CECR2: variants seen among roughly 807,000 people sequenced by gnomAD.
CECR2 encodes CECR2 histone acetyl-lysine reader, also known as chromatin remodeling regulator CECR2.
A neutral mutation model predicts 154.5 loss-of-function variants in CECR2; 30 were observed. The ratio of observed to expected loss-of-function variants is 0.19; its 90% confidence interval spans 0.15 to 0.26. The LOEUF (loss-of-function observed/expected upper bound fraction) is 0.26. Ranked by LOEUF, CECR2 falls within the 10% of genes least tolerant of loss-of-function variation. CECR2 has a pLI of 1.00. For synonymous variants in CECR2, 725 were observed against 683.7 expected, an observed-to-expected ratio of 1.06 and a Z score of -0.94; for missense variants, 1,743 against 1,829.3, an observed-to-expected ratio of 0.95 and a Z score of 0.86.
At position 17,505,477 on chromosome 22, in the gene CECR2, T is replaced by TATCATGC. The variant is rs544506980; in HGVS notation, c.870+464_870+470dup. On this transcript the variant is annotated intron_variant, in intron 7 of 18. Transcript: ENST00000262608. The stretch of plus-strand genomic sequence containing the variant: ...GTCTCATAAACCATATGCCCCATAT[T>TATCATGC]ATCATGCATGTACACCCTACTTCAT... 7.9e-5 allele frequency among the ~76,000 whole-genome samples: 12 copies of TATCATGC among 151,932 alleles called. No individual in the cohort carries two copies. In the East Asian group the frequency reaches 1.7e-3, roughly 22 times the overall value.
intron 1 of CECR2, among the ~76,000 whole-genome samples, chr22:17,383,928 C>T (rs930056426): frequency 1.6e-4 from 24 of 152,168 alleles, no homozygotes; most frequent in Admixed American, 3.3e-4. Flanking sequence ...CTACCTCGGC[C>T]TCCCAAAGTG....
intron 8 of CECR2, among the ~76,000 whole-genome samples, chr22:17,519,935 C>T (rs2056127390): frequency 6.6e-6 from 1 of 152,012 alleles, no homozygotes; most frequent in African/African-American, 2.4e-5. Context: ...GGACTACAGG[C>T]ACACACCACC....
At chr22:17,514,093 CTA>C (rs1381525053) in intron 8 of CECR2, among the ~76,000 whole-genome samples, 1 of 152,160 alleles carries the variant, frequency 6.6e-6, no homozygotes, top group Non-Finnish European at 1.5e-5. Context: ...TTTCTGGCCT[CTA>C]TTGGTCACTC....
At position 17,420,113 on chromosome 22, in the gene CECR2, G is replaced by A. The variant is rs181398957; in HGVS notation, c.126+50204G>A. On this transcript the variant is annotated intron_variant, in intron 1 of 18. Coordinates refer to ENST00000262608, the MANE Select transcript of CECR2 (RefSeq NM_001290047.2). ...ACGAAAGGAAGATTTAAACCAGAGG[G>A]GGGTTGGTCTACATAGTAGTAATCC... Among the ~76,000 whole-genome samples the A allele has an allele frequency of 2.0e-5, 3 of 152,288 alleles. No homozygotes were observed. The East Asian group carries it at 5.8e-4, about 29-fold the overall frequency.
At chr22:17,381,884 ATT>A (rs35781889) in intron 1 of CECR2, among the ~76,000 whole-genome samples, 6,540 of 140,764 alleles carry the variant, frequency 0.046, 215 homozygotes, top group East Asian at 0.15. Flanking sequence ...GAGCCCCCAC[ATT>A]TTTTTTTTTT....
chr22:17,548,752 C>T lies in CECR2; in HGVS notation c.3465C>T (p.Pro1155=). The change falls in exon 17 of 19, where the codon CCC becomes CCT. Residue 1155 remains proline, a synonymous_variant. Coordinates refer to ENST00000262608, the MANE Select transcript of CECR2 (RefSeq NM_001290047.2). ...VMGGKSPASH[P]QHFPPRGFQS... The stretch of plus-strand genomic sequence containing the variant: ...GAGGGAAGTCCCCAGCATCCCATCC[C>T]CAGCATTTTCCCCCAAGGGGCTTTC... 5 of 1,613,788 alleles carry T rather than the reference C, an allele frequency of 3.1e-6. No homozygotes were observed. The highest frequency in any genetic ancestry group is 4.2e-6 in the Non-Finnish European group (5 of 1,179,838).
chr22:17,466,598 C>CCT (rs555359003), intron 1 of CECR2, among the ~76,000 whole-genome samples: 4 of 140,182 alleles, frequency 2.9e-5, no homozygotes, highest in African/African-American at 2.6e-5. Context: ...AAAACCTTGC[C>CCT]TTTTTTTTTT....
At chr22:17,501,755 G>A (rs763795372) in intron 5 of CECR2, among the ~76,000 whole-genome samples, 6 of 152,058 alleles carry the variant, frequency 3.9e-5, no homozygotes, top group Non-Finnish European at 8.8e-5. Context: ...CACGTCCTTC[G>A]ATATTCAGAA....
chr22:17,408,577 A>G (rs1229045169), intron 1 of CECR2, among the ~76,000 whole-genome samples: 1 of 152,166 alleles, frequency 6.6e-6, no homozygotes, highest in East Asian at 1.9e-4. Flanking sequence ...CTCACCCAAG[A>G]TGTTTCCGAA....
At chr22:17,375,115 A>AAT (rs34379559) in intron 1 of CECR2, among the ~76,000 whole-genome samples, 60,172 of 151,426 alleles carry the variant, frequency 0.4, 13,885 homozygotes, top group Middle Eastern at 0.57. Context: ...TATTTCAGCA[A>AAT]ATATATATAT....
intron 1 of CECR2, among the ~76,000 whole-genome samples, chr22:17,402,792 T>C (rs549727271): frequency 6.7e-6 from 1 of 149,610 alleles, no homozygotes; most frequent in East Asian, 2.0e-4. Flanking sequence ...AGTTTCACTC[T>C]TGTTGCCCAG....
intron 1 of CECR2, among the ~76,000 whole-genome samples, 169 bp from the exon 2 acceptor site, chr22:17,477,418 TC>T (rs2055227472): frequency 6.6e-6 from 1 of 152,114 alleles, no homozygotes; most frequent in Admixed American, 6.5e-5. Flanking sequence ...AAACGCGGAA[TC>T]CGGTTGCTCT....
At chr22:17,362,886 A>G (rs1296562315) in intron 1 of CECR2, among the ~76,000 whole-genome samples, 1 of 134,716 alleles carries the variant, frequency 7.4e-6, no homozygotes, top group Non-Finnish European at 1.6e-5. Flanking sequence ...TGGGCGACAG[A>G]GCGAAACTCC....
chr22:17,488,027 A>G (rs1461480317), intron 2 of CECR2, among the ~76,000 whole-genome samples: 1 of 151,930 alleles, frequency 6.6e-6, no homozygotes, highest in Non-Finnish European at 1.5e-5. Context: ...GGATTAAGGC[A>G]CCCACCATCA....
chr22:17,454,906 G>A (rs891604536), intron 1 of CECR2, among the ~76,000 whole-genome samples: 2 of 152,080 alleles, frequency 1.3e-5, no homozygotes, highest in Non-Finnish European at 2.9e-5. Flanking sequence ...TGCAGAAAGG[G>A]TACACTCACC....
At chr22:17,411,446 G>C (rs1483301623) in intron 1 of CECR2, among the ~76,000 whole-genome samples, 1 of 152,200 alleles carries the variant, frequency 6.6e-6, no homozygotes, top group East Asian at 1.9e-4. Flanking sequence ...GGCCTCCCTT[G>C]AGTGCAAGAA....
chr22:17,421,614 CAAAAAAAAAAAAAAAA>C (rs34156323), intron 1 of CECR2, among the ~76,000 whole-genome samples: 3 of 23,362 alleles, frequency 1.3e-4, no homozygotes, highest in African/African-American at 3.3e-4. Flanking sequence ...GACTCCGTCT[CAAAAAAAAAAAAAAAA>C]AAAAAAAAAA....
At chr22:17,407,502 T>C (rs1171309595) in intron 1 of CECR2, among the ~76,000 whole-genome samples, 1 of 151,364 alleles carries the variant, frequency 6.6e-6, no homozygotes, top group East Asian at 1.9e-4. Flanking sequence ...GGCTGAGGCA[T>C]GAGAATCGCT....
intron 14 of CECR2, among the ~76,000 whole-genome samples, chr22:17,541,461 A>G (rs1294042626): frequency 6.6e-6 from 1 of 152,210 alleles, no homozygotes; most frequent in Non-Finnish European, 1.5e-5. Flanking sequence ...AGAAAAAAAA[A>G]TGTAATCTTT....
Sources: allele counts gnomAD v4.1 joint callset (sites outside exome capture counted in the v4.1 genomes callset), GRCh38; gene constraint gnomAD v4.1.1; transcripts MANE v1.5; gene names NCBI Gene and HGNC (gene_info 2026-07-23, HGNC 2026-07-21).